The following FRMD4A variants were observed in gnomAD, a reference collection of about 807,000 sequenced individuals.
FRMD4A encodes FERM domain-containing protein 4A.
Under a neutral mutation model 129.1 loss-of-function variants are expected in FRMD4A, and 29 were observed. That is an observed-to-expected ratio of 0.22 (90% confidence interval 0.17 to 0.31). The LOEUF (loss-of-function observed/expected upper bound fraction) is 0.31, where lower values mean the gene tolerates loss of function less well. Ranked by LOEUF, FRMD4A falls within the 10% of genes least tolerant of loss-of-function variation. The probability of loss-of-function intolerance (pLI) is 1.00; values close to 1 mark genes in which losing one functional copy is unlikely to be tolerated. For synonymous variants in FRMD4A, 634 were observed against 571.6 expected, an observed-to-expected ratio of 1.11 and a Z score of -1.56; for missense variants, 1,272 against 1,375.8, an observed-to-expected ratio of 0.92 and a Z score of 1.19.
At chr10:14,120,400 T>C (rs558873146) in intron 2 of FRMD4A, among the ~76,000 whole-genome samples, 8 of 152,324 alleles carry the variant, frequency 5.3e-5, no homozygotes, top group East Asian at 1.9e-4. Flanking sequence ...AGAGCACTTA[T>C]GCAGGTTGCT....
At chr10:14,184,298 A>ATTTTTTGTTTTTTTTTTTT (rs1842007317) in intron 2 of FRMD4A, among the ~76,000 whole-genome samples, 1 of 104,908 alleles carries the variant, frequency 9.5e-6, no homozygotes, top group Non-Finnish European at 2.0e-5. Context: ...CAACCGGTTA[A>ATTTTTTGTTTTTTTTTTTT]TTTTTTTTTT....
At chr10:14,125,470 T>C (rs1435943876) in intron 2 of FRMD4A, among the ~76,000 whole-genome samples, 1 of 151,940 alleles carries the variant, frequency 6.6e-6, no homozygotes, top group African/African-American at 2.4e-5. Context: ...CTTGCAAAGG[T>C]CCAATACCCT....
intron 2 of FRMD4A, among the ~76,000 whole-genome samples, chr10:14,088,785 CAAAAAAAA>C (rs58056105): frequency 1.4e-5 from 1 of 73,844 alleles, no homozygotes; most frequent in Non-Finnish European, 2.5e-5. Context: ...GACTCTGTCT[CAAAAAAAA>C]AAAAAAAAAA....
chr10:13,828,799 T>C lies in FRMD4A; in HGVS notation c.112-17891A>G, dbSNP rs574455431. 5.9e-5 allele frequency among the ~76,000 whole-genome samples: 9 copies of C among 152,382 alleles called. No individual in the cohort carries two copies. In the South Asian group the frequency reaches 1.9e-3, roughly 32 times the overall value. ...CGCCCGCCTTGGCCTCGCAAAGTGC[T>C]GGGATTACAGGCGTGAGCCACTGCA... On this transcript the variant is annotated intron_variant, in intron 3 of 24. Coordinates refer to ENST00000357447, the MANE Select transcript of FRMD4A (RefSeq NM_018027.5).
At chr10:14,249,107 T>C (rs560247791) in intron 2 of FRMD4A, among the ~76,000 whole-genome samples, 37 of 152,200 alleles carry the variant, frequency 2.4e-4, no homozygotes, top group Non-Finnish European at 4.4e-4. Context: ...TCCCAGCACT[T>C]TGGGAGGCTG....
intron 2 of FRMD4A, among the ~76,000 whole-genome samples, chr10:14,050,802 A>G (rs1834219820): frequency 6.6e-6 from 1 of 152,244 alleles, no homozygotes; most frequent in African/African-American, 2.4e-5. Flanking sequence ...GGGTGTACCC[A>G]GAAAGGGCCT....
At chr10:13,663,610 T>G in intron 18 of FRMD4A, 101 bp from the exon 19 acceptor site, 1 of 713,082 alleles carries the variant, frequency 1.4e-6, no homozygotes. Flanking sequence ...TACCTTTCTC[T>G]TCCTAACCAG....
chr10:13,879,623 A>G (rs1374198433), intron 2 of FRMD4A, among the ~76,000 whole-genome samples: 1 of 152,220 alleles, frequency 6.6e-6, no homozygotes, highest in African/African-American at 2.4e-5. Flanking sequence ...GCACATCTCA[A>G]CAGAACTTTT....
At chr10:13,908,033 C>T (rs530610934) in intron 2 of FRMD4A, among the ~76,000 whole-genome samples, 2 of 151,548 alleles carry the variant, frequency 1.3e-5, no homozygotes, top group African/African-American at 2.4e-5. Context: ...GGCATGGTGG[C>T]GGGCACCTGT....
chr10:13,882,773 A>G (rs1390945010), intron 2 of FRMD4A, among the ~76,000 whole-genome samples: 2 of 151,314 alleles, frequency 1.3e-5, no homozygotes, highest in East Asian at 2.0e-4. Flanking sequence ...TCTACATCCA[A>G]TACAAAACCA....
At chr10:14,131,272 G>C (rs901410352) in intron 2 of FRMD4A, among the ~76,000 whole-genome samples, 10 of 152,190 alleles carry the variant, frequency 6.6e-5, no homozygotes, top group African/African-American at 2.2e-4. Context: ...CCAGCAAGAA[G>C]AGAGGCTCAG....
At chr10:14,186,784 G>A (rs550761220) in intron 2 of FRMD4A, among the ~76,000 whole-genome samples, 1 of 152,116 alleles carries the variant, frequency 6.6e-6, no homozygotes, top group Non-Finnish European at 1.5e-5. Flanking sequence ...TCATAGCTTT[G>A]ACTGTTCAGG....
At chr10:13,995,599 T>C (rs1290613536) in intron 2 of FRMD4A, among the ~76,000 whole-genome samples, 1 of 152,094 alleles carries the variant, frequency 6.6e-6, no homozygotes, top group Non-Finnish European at 1.5e-5. Context: ...AAACACAAGA[T>C]GATCTGCAGA....
intron 2 of FRMD4A, among the ~76,000 whole-genome samples, chr10:13,893,702 G>A (rs368644798): frequency 1.2e-4 from 19 of 152,004 alleles, no homozygotes; most frequent in Admixed American, 2.0e-4. Context: ...TTTAGTAGAG[G>A]CGGGGTTTTG....
Position 14,170,658 on chromosome 10 carries a change from T to G in FRMD4A, c.45+159400A>C, listed in dbSNP as rs573061601. On this transcript the variant is annotated intron_variant, in intron 2 of 24. Transcript: ENST00000357447. ...AATAGTTAATCAACTTTTTAAAAGT[T>G]ACAACTATCCTTTCTAGGGTTAATT... Among the ~76,000 whole-genome samples, 14 of 152,334 alleles carry G rather than the reference T, an allele frequency of 9.2e-5. No individual in the cohort carries two copies. The South Asian group carries it at 2.9e-3, about 32-fold the overall frequency.
intron 2 of FRMD4A, among the ~76,000 whole-genome samples, chr10:14,080,765 C>G (rs1304220099): frequency 6.6e-6 from 1 of 151,952 alleles, no homozygotes; most frequent in Non-Finnish European, 1.5e-5. Context: ...CCAAGGTGAT[C>G]AGTGTCCAGT....
At chr10:14,237,622 C>T (rs932256781) in intron 2 of FRMD4A, among the ~76,000 whole-genome samples, 1 of 152,198 alleles carries the variant, frequency 6.6e-6, no homozygotes, top group African/African-American at 2.4e-5. Context: ...TGAGCCACTG[C>T]ACCTGGCTGC....
intron 2 of FRMD4A, among the ~76,000 whole-genome samples, chr10:14,139,137 T>C (rs1309532225): frequency 6.6e-6 from 1 of 152,262 alleles, no homozygotes; most frequent in East Asian, 1.9e-4. Flanking sequence ...TACATAAAAA[T>C]AGCAGAAGCA....
intron 2 of FRMD4A, among the ~76,000 whole-genome samples, chr10:14,134,499 A>G (rs548272579): frequency 4.7e-5 from 7 of 147,978 alleles, no homozygotes; most frequent in African/African-American, 1.8e-4. Context: ...ATATGGGGGG[A>G]TGAATTGTTG....
Sources: allele counts gnomAD v4.1 joint callset (sites outside exome capture counted in the v4.1 genomes callset), GRCh38; gene constraint gnomAD v4.1.1; transcripts MANE v1.5; gene names NCBI Gene and HGNC (gene_info 2026-07-23, HGNC 2026-07-21).